The following NRXN1 variants were observed in gnomAD, a reference collection of about 807,000 sequenced individuals.
NRXN1 encodes the protein neurexin 1.
NRXN1 carries 39 observed loss-of-function variants against 150.9 expected under a neutral mutation model. The observed-to-expected ratio is 0.26, with a 90% CI of 0.20 to 0.34. NRXN1 has a LOEUF of 0.34. Among genes scored for constraint, NRXN1 ranks in the 10% least tolerant of loss-of-function variants. The probability of loss-of-function intolerance (pLI) is 1.00; values close to 1 mark genes in which losing one functional copy is unlikely to be tolerated. For missense variants in NRXN1, 1,815 were observed against 1,949.9 expected (o/e 0.93, Z 1.30); for synonymous variants, 924 against 757.0 (o/e 1.22, Z -3.62).
At chr2:50,499,178 G>A (rs939003194) in intron 13 of NRXN1, among the ~76,000 whole-genome samples, 3 of 152,150 alleles carry the variant, frequency 2.0e-5, no homozygotes, top group African/African-American at 7.2e-5. Context: ...GTTTGCTTAA[G>A]TGACTTTGAT....
At chr2:50,516,966 A>G (rs2092649113) in intron 12 of NRXN1, among the ~76,000 whole-genome samples, 1 of 152,168 alleles carries the variant, frequency 6.6e-6, no homozygotes, top group African/African-American at 2.4e-5. Context: ...GGAGAAATTA[A>G]ATAGTCATGT....
At chr2:49,998,918 T>A (rs534322493) in intron 21 of NRXN1, among the ~76,000 whole-genome samples, 14 of 152,268 alleles carry the variant, frequency 9.2e-5, no homozygotes, top group African/African-American at 3.4e-4. Context: ...TCTTCCTGCT[T>A]CCATCAACTC....
chr2:50,801,908 T>C (rs1192632216), intron 5 of NRXN1, among the ~76,000 whole-genome samples: 3 of 152,158 alleles, frequency 2.0e-5, no homozygotes, highest in Non-Finnish European at 4.4e-5. Flanking sequence ...CTATGGGTTC[T>C]CTGTCATGTG....
At chr2:50,877,176 C>A (rs1013456632) in intron 5 of NRXN1, among the ~76,000 whole-genome samples, 1 of 151,112 alleles carries the variant, frequency 6.6e-6, no homozygotes, top group African/African-American at 2.4e-5. Flanking sequence ...ATCCCCAACA[C>A]ACACATAGAC....
intron 18 of NRXN1, among the ~76,000 whole-genome samples, chr2:50,196,777 G>C (rs2061797002): frequency 6.6e-6 from 1 of 152,070 alleles, no homozygotes; most frequent in African/African-American, 2.4e-5. Flanking sequence ...TGGAGCTAGA[G>C]GCCATTTTTC....
intron 18 of NRXN1, among the ~76,000 whole-genome samples, chr2:50,101,755 G>C (rs1701007949): frequency 6.6e-6 from 1 of 152,012 alleles, no homozygotes; most frequent in African/African-American, 2.4e-5. Flanking sequence ...AGTTTGGAAG[G>C]AGCACTATTT....
chr2:50,010,360 G>A (rs957211606), intron 21 of NRXN1, among the ~76,000 whole-genome samples: 2 of 152,076 alleles, frequency 1.3e-5, no homozygotes, highest in African/African-American at 4.8e-5. Flanking sequence ...TACTCCTGCT[G>A]TATTCAACAG....
At position 50,586,647 on chromosome 2, in the gene NRXN1, C is replaced by T. The variant is rs184422512; in HGVS notation, c.1320+33375G>A. ...AAAAATTAGTGGCTTCACAAGCATA[C>T]CCTTATTAAGTTATTTTCCATTAAA... On this transcript the variant is annotated intron_variant, in intron 8 of 22. Transcript: ENST00000401669. 7.2e-4 allele frequency among the ~76,000 whole-genome samples: 110 copies of T among 152,110 alleles called. 2 individuals are homozygous for T. The highest frequency in any genetic ancestry group is 2.9e-3 in the Admixed American group (45 of 15,274).
chr2:50,181,764 A>G (rs948753185), intron 18 of NRXN1, among the ~76,000 whole-genome samples: 1 of 152,128 alleles, frequency 6.6e-6, no homozygotes, highest in African/African-American at 2.4e-5. Flanking sequence ...TTATCAATAT[A>G]TCTACTTCCC....
intron 5 of NRXN1, chr2:50,919,347 A>T (rs1685662262): frequency 6.6e-6 from 1 of 151,804 alleles, no homozygotes; most frequent in African/African-American, 2.4e-5. Context: ...GAAGGTTATC[A>T]AAAGGCATGT....
Position 50,069,086 on chromosome 2 carries a change from T to C in NRXN1, c.3719-14042A>G, listed in dbSNP as rs532627413. ...GAAAACAGAATTCAGGGTACTACCA[T>C]GTGTTCTGTGACAGCAGCATGGTGA... On this transcript the variant is annotated intron_variant, in intron 19 of 22. Coordinates refer to ENST00000401669, the MANE Select transcript of NRXN1 (RefSeq NM_001330078.2). Among the ~76,000 whole-genome samples, 82 of 152,304 alleles carry C rather than the reference T, an allele frequency of 5.4e-4. 1 individual carries two copies. The South Asian group carries it at 0.016, about 30-fold the overall frequency.
At chr2:50,848,639 G>A (rs967869184) in intron 5 of NRXN1, among the ~76,000 whole-genome samples, 1 of 151,970 alleles carries the variant, frequency 6.6e-6, no homozygotes, top group Non-Finnish European at 1.5e-5. Flanking sequence ...GACTAGGACT[G>A]GAAAACTTTG....
At chr2:50,353,255 G>C (rs1377619795) in intron 17 of NRXN1, among the ~76,000 whole-genome samples, 3 of 152,092 alleles carry the variant, frequency 2.0e-5, no homozygotes, top group African/African-American at 7.2e-5. Flanking sequence ...TACCAAGTCA[G>C]GGTCATAGAG....
intron 5 of NRXN1, among the ~76,000 whole-genome samples, chr2:50,651,426 A>T (rs1685592599): frequency 6.6e-6 from 1 of 151,878 alleles, no homozygotes; most frequent in African/African-American, 2.4e-5. Flanking sequence ...CAGCCTGGGA[A>T]ATATAGTGAG....
intron 21 of NRXN1, among the ~76,000 whole-genome samples, chr2:49,957,732 A>C (rs542025276): frequency 6.6e-6 from 1 of 152,266 alleles, no homozygotes; most frequent in East Asian, 1.9e-4. Flanking sequence ...CCTTTTAGGT[A>C]AAGAGAAGGA....
intron 2 of NRXN1, among the ~76,000 whole-genome samples, chr2:51,021,830 A>T (rs931132825): frequency 1.3e-5 from 2 of 152,186 alleles, no homozygotes; most frequent in Non-Finnish European, 2.9e-5. Flanking sequence ...TATAGTAAAA[A>T]TCACTGCTTA....
intron 17 of NRXN1, among the ~76,000 whole-genome samples, chr2:50,274,948 G>T (rs2152926307): frequency 6.6e-6 from 1 of 152,254 alleles, no homozygotes; most frequent in African/African-American, 2.4e-5. Flanking sequence ...AGTGTGGCAT[G>T]TGTTACAAAA....
chr2:50,078,111 T>G (rs1429653837), intron 19 of NRXN1, among the ~76,000 whole-genome samples: 1 of 152,122 alleles, frequency 6.6e-6, no homozygotes, highest in Non-Finnish European at 1.5e-5. Context: ...ACATTTATTT[T>G]GTCATTCTGT....
At chr2:50,061,778 T>C (rs1694571879) in intron 19 of NRXN1, among the ~76,000 whole-genome samples, 1 of 152,216 alleles carries the variant, frequency 6.6e-6, no homozygotes. Context: ...GATTTCTTTT[T>C]CCTCCAGTTA....
Sources: allele counts gnomAD v4.1 joint callset (sites outside exome capture counted in the v4.1 genomes callset), GRCh38; gene constraint gnomAD v4.1.1; transcripts MANE v1.5; gene names NCBI Gene and HGNC (gene_info 2026-07-23, HGNC 2026-07-21).